The following DEPTOR variants were observed in gnomAD, a reference collection of about 807,000 sequenced individuals.
DEPTOR encodes DEP domain containing MTOR interacting protein, also known as DEP domain-containing mTOR-interacting protein.
Under a neutral mutation model 41.6 loss-of-function variants are expected in DEPTOR, and 41 were observed. The observed-to-expected ratio is 0.98, with a 90% CI of 0.77 to 1.28. DEPTOR has a LOEUF of 1.28. Among genes scored for constraint, DEPTOR ranks in the 50% most tolerant of loss-of-function variants. The pLI is 0.00. For synonymous variants in DEPTOR, 195 were observed against 192.3 expected (o/e 1.01, Z -0.12); for missense variants, 514 against 527.9 (o/e 0.97, Z 0.26).
intron 6 of DEPTOR, 81 bp from the exon 7 acceptor site, chr8:120,006,724 G>A (rs1358646817): frequency 1.2e-5 from 15 of 1,263,244 alleles, no homozygotes; most frequent in East Asian, 4.7e-5. Flanking sequence ...GGTCACCTAC[G>A]AGATATCAAT....
intron 6 of DEPTOR, among the ~76,000 whole-genome samples, chr8:120,006,106 T>G (rs1276468745): frequency 2.0e-5 from 3 of 152,164 alleles, no homozygotes; most frequent in Non-Finnish European, 4.4e-5. Flanking sequence ...TTCATTCTTG[T>G]GATGATTAAG....
chr8:119,933,732 C>G (rs896978682), intron 3 of DEPTOR, among the ~76,000 whole-genome samples: 6 of 151,896 alleles, frequency 4.0e-5, no homozygotes, highest in African/African-American at 1.5e-4. Context: ...CTCAGCAGCT[C>G]TGAGGGGGTG....
At chr8:120,002,881 T>TCCTGGCC in intron 5 of DEPTOR, 96 bp from the exon 6 acceptor site, 1 of 1,415,510 alleles carries the variant, frequency 7.1e-7, no homozygotes, top group Non-Finnish European at 9.3e-7. Flanking sequence ...GTGTGCTTTC[T>TCCTGGCC]CCTGGCCCCT....
chr8:120,012,168 C>A (rs1812540420), intron 8 of DEPTOR, among the ~76,000 whole-genome samples: 1 of 152,120 alleles, frequency 6.6e-6, no homozygotes, highest in Non-Finnish European at 1.5e-5. Context: ...TAAGATATAG[C>A]CCTAAAACCC....
chr8:119,906,161 C>T (rs770885543), intron 1 of DEPTOR, among the ~76,000 whole-genome samples: 1 of 151,960 alleles, frequency 6.6e-6, no homozygotes, highest in African/African-American at 2.4e-5. Flanking sequence ...TACACACACA[C>T]ACAAATTTTG....
At chr8:119,901,704 A>G (rs1246148157) in intron 1 of DEPTOR, among the ~76,000 whole-genome samples, 1 of 150,286 alleles carries the variant, frequency 6.7e-6, no homozygotes, top group Admixed American at 6.6e-5. Flanking sequence ...AGAACGAAAG[A>G]TGTGATAATT....
chr8:120,040,078 A>G (rs1275689093), intron 8 of DEPTOR, among the ~76,000 whole-genome samples: 1 of 152,010 alleles, frequency 6.6e-6, no homozygotes, highest in African/African-American at 2.4e-5. Flanking sequence ...TCCTGACTCC[A>G]AGTGATGCGC....
intron 7 of DEPTOR, among the ~76,000 whole-genome samples, chr8:120,008,154 C>T (rs1812473445): frequency 6.6e-6 from 1 of 152,132 alleles, no homozygotes; most frequent in South Asian, 2.1e-4. Flanking sequence ...TCTACTTGTA[C>T]ATTGTGAACT....
At chr8:119,946,160 C>T (rs757939817) in intron 3 of DEPTOR, among the ~76,000 whole-genome samples, 9 of 152,102 alleles carry the variant, frequency 5.9e-5, no homozygotes, top group Non-Finnish European at 1.3e-4. Context: ...AAAACAAAGG[C>T]ATTGTTCCAC....
intron 7 of DEPTOR, among the ~76,000 whole-genome samples, chr8:120,008,578 T>G (rs1812483770): frequency 1.3e-5 from 2 of 151,164 alleles, no homozygotes; most frequent in Non-Finnish European, 2.9e-5. Context: ...CATTAGTAAT[T>G]TCAATAATTA....
intron 6 of DEPTOR, 128 bp downstream of exon 6, chr8:120,003,239 C>T: frequency 1.4e-6 from 2 of 1,457,166 alleles, no homozygotes; most frequent in South Asian, 1.4e-5. Flanking sequence ...CTCTTGGGGT[C>T]CACACGTGTT....
At chr8:119,989,004 T>C (rs995752989) in intron 4 of DEPTOR, among the ~76,000 whole-genome samples, 1 of 149,336 alleles carries the variant, frequency 6.7e-6, no homozygotes, top group African/African-American at 2.5e-5. Flanking sequence ...CTTTACCATG[T>C]TGCCCAGGCT....
intron 4 of DEPTOR, among the ~76,000 whole-genome samples, chr8:119,973,864 T>A (rs977542913): frequency 6.6e-6 from 1 of 152,204 alleles, no homozygotes; most frequent in African/African-American, 2.4e-5. Context: ...TCCTCCCAGT[T>A]GCTTGAGAGT....
rs1827884385 is a variant in DEPTOR, at chr8:119,920,985, T to TG, written c.123-7415_123-7414insG. Among the ~76,000 whole-genome samples the TG allele has an allele frequency of 2.2e-5, 3 of 136,754 alleles. No homozygotes were observed. The South Asian group carries it at 7.5e-4, about 34-fold the overall frequency. The allele number at this position is 136,754 out of a possible 152,430, so 89.7% of individuals were successfully genotyped here. A position where few individuals can be genotyped will look rare whatever the true frequency, so the allele number is the denominator to read the frequency against. On this transcript the variant is annotated intron_variant, in intron 1 of 8. Transcript: ENST00000286234. ...CGATGACTTTTAGCACTGAGGTTTT[T>TG]TTTTTTTTTGAGACAGGGTCTTGCT...
At chr8:119,925,253 G>A (rs1214506575) in intron 1 of DEPTOR, among the ~76,000 whole-genome samples, 2 of 152,046 alleles carry the variant, frequency 1.3e-5, no homozygotes, top group African/African-American at 2.4e-5. Context: ...AGCTGGGAGT[G>A]GTGGTACACA....
At chr8:119,976,624 A>T (rs1828698936) in intron 4 of DEPTOR, among the ~76,000 whole-genome samples, 1 of 152,184 alleles carries the variant, frequency 6.6e-6, no homozygotes, top group African/African-American at 2.4e-5. Context: ...AACTCTGGGG[A>T]TCCAGGAACC....
intron 3 of DEPTOR, among the ~76,000 whole-genome samples, chr8:119,932,944 C>T (rs1271947383): frequency 2.0e-5 from 3 of 151,956 alleles, no homozygotes; most frequent in East Asian, 1.9e-4. Flanking sequence ...AGTAATGAGA[C>T]CAGAGTGTCC....
chr8:120,020,951 C>T (rs1021441575), intron 8 of DEPTOR, among the ~76,000 whole-genome samples: 6 of 151,588 alleles, frequency 4.0e-5, no homozygotes, highest in South Asian at 2.1e-4. Flanking sequence ...CCCAACTACT[C>T]GGGAGGCTGA....
chr8:119,972,550 G>T (rs1828646094), intron 4 of DEPTOR, among the ~76,000 whole-genome samples: 1 of 151,700 alleles, frequency 6.6e-6, no homozygotes, highest in South Asian at 2.1e-4. Flanking sequence ...TGGAACCAAG[G>T]AGGCAGAGGT....
Sources: gnomAD v4.1 joint callset for allele counts (sites outside exome capture counted in the v4.1 genomes callset) on GRCh38, gnomAD v4.1.1 for gene constraint, MANE v1.5 for transcripts, NCBI Gene and HGNC (gene_info 2026-07-23, HGNC 2026-07-21) for gene names.